The following IQCH variants were observed in gnomAD, a reference collection of about 807,000 sequenced individuals.
The protein encoded by IQCH is IQ domain-containing protein H.
In IQCH, 98 loss-of-function variants were observed where a neutral mutation model predicts 117.0. The observed-to-expected ratio is 0.84, with a 90% confidence interval of 0.71 to 0.99. The LOEUF is 0.99. IQCH is among the 50% of genes least tolerant of loss of function. IQCH has a pLI of 0.00. For synonymous variants in IQCH, 412 were observed against 448.2 expected (o/e 0.92, Z 1.02); for missense variants, 1,102 against 1,243.8 (o/e 0.89, Z 1.72).
intron 4 of IQCH, among the ~76,000 whole-genome samples, chr15:67,312,672 G>T (rs561729943): frequency 2.0e-5 from 3 of 152,108 alleles, no homozygotes; most frequent in African/African-American, 7.2e-5. Context: ...GAGGAAAATA[G>T]AGCAGCTACG....
Position 67,395,616 on chromosome 15 carries a change from G to A in IQCH, c.1905+53G>A. ...GTTCAAATATTTGAAACATCCTCTT[G>A]ATCTTGGACAATTTCCAAGTCTTCT... On this transcript the variant is annotated intron_variant, in intron 13 of 20. Coordinates refer to ENST00000335894, the MANE Select transcript of IQCH (RefSeq NM_001031715.3). This position sits in a 1 kb window ranked among gnomAD's most constrained non-coding sequence, Gnocchi z 4.0. The A allele has an allele frequency of 6.4e-7, 1 of 1,558,524 alleles. No individual in the cohort carries two copies. The highest frequency in any genetic ancestry group is 8.7e-7 in the Non-Finnish European group (1 of 1,143,140).
intron 4 of IQCH, among the ~76,000 whole-genome samples, chr15:67,335,494 G>A (rs772939655): frequency 3.3e-5 from 5 of 152,128 alleles, no homozygotes; most frequent in African/African-American, 2.4e-5. Flanking sequence ...AGACCCTGCC[G>A]CTTTTGATAT....
chr15:67,296,848 ACTTCCT>A (rs1966855326), intron 4 of IQCH, among the ~76,000 whole-genome samples: 1 of 152,290 alleles, frequency 6.6e-6, no homozygotes, highest in African/African-American at 2.4e-5. Flanking sequence ...AATATCATAT[ACTTCCT>A]CTTGTTATTT....
Position 67,472,069 on chromosome 15 carries a change from G to C in IQCH, c.2677-3627G>C, listed in dbSNP as rs918318564. ...ATGGATAAATGCCATTTGAGTGACA[G>C]ACCCTCAGCTTGCTGCCAGAGTTCT... On this transcript the variant is annotated intron_variant, in intron 17 of 20. Transcript: ENST00000335894. This position sits in a 1 kb window ranked among gnomAD's most constrained non-coding sequence, Gnocchi z 4.3. 1.3e-5 allele frequency among the ~76,000 whole-genome samples: 2 copies of C among 152,206 alleles called. No individual in the cohort carries two copies. Among genetic ancestry groups the C allele is most frequent in the Non-Finnish European group, 2.9e-5 (2 of 68,044 alleles).
At position 67,267,793 on chromosome 15, in the gene IQCH, A is replaced by G. The variant is rs531444242; in HGVS notation, c.269+4577A>G. Among the ~76,000 whole-genome samples, 6 of 152,318 alleles carry G rather than the reference A, an allele frequency of 3.9e-5. No individual in the cohort carries two copies. In the South Asian group the frequency reaches 1.2e-3, roughly 32 times the overall value. On this transcript the variant is annotated intron_variant, in intron 3 of 20. Coordinates refer to ENST00000335894, the MANE Select transcript of IQCH (RefSeq NM_001031715.3). ...TATGGGGCTTCACTTTATCTATGGA[A>G]ACCCAGGAAATAGAGTTAATTCCAA...
chr15:67,262,385 A>C (rs1965499387), intron 2 of IQCH, among the ~76,000 whole-genome samples: 1 of 152,196 alleles, frequency 6.6e-6, no homozygotes, highest in South Asian at 2.1e-4. Context: ...CTCTTGATTC[A>C]GACTTTTAAT....
At chr15:67,442,863 GAT>G (rs1249237154) in intron 16 of IQCH, among the ~76,000 whole-genome samples, 1 of 115,936 alleles carries the variant, frequency 8.6e-6, no homozygotes, top group Non-Finnish European at 1.8e-5. Context: ...TAGATAGATA[GAT>G]ATACATATAT....
At chr15:67,273,848 A>G (rs756658030) in intron 3 of IQCH, among the ~76,000 whole-genome samples, 2 of 152,126 alleles carry the variant, frequency 1.3e-5, no homozygotes, top group Non-Finnish European at 2.9e-5. Flanking sequence ...TTGATGTAAC[A>G]TGGGTCTGGT....
At chr15:67,377,222 G>C (rs1278269452) in intron 10 of IQCH, among the ~76,000 whole-genome samples, 1 of 151,752 alleles carries the variant, frequency 6.6e-6, no homozygotes, top group Non-Finnish European at 1.5e-5. Context: ...AAAAATTTTA[G>C]CTATTTTTAA....
chr15:67,357,593 T>C (rs928766128), intron 7 of IQCH, among the ~76,000 whole-genome samples, 172 bp downstream of exon 7: 4 of 152,244 alleles, frequency 2.6e-5, no homozygotes, highest in African/African-American at 9.6e-5. Flanking sequence ...ACAAGTCAAC[T>C]CTAGCATAAT....
chr15:67,500,573 T>C lies in IQCH; in HGVS notation c.2971-60T>C. 1.2e-6 allele frequency: 1 copy of C among 825,150 alleles called. No homozygotes were observed. The allele number at this position is 825,150 out of a possible 1,614,324, so 51.1% of individuals were successfully genotyped here. The stretch of plus-strand genomic sequence containing the variant: ...ATGGTGAACTCCCAAAAGGACCAGA[T>C]GCTTGGGGGAGAGGGATTGTAAGAG... On this transcript the variant is annotated intron_variant, in intron 20 of 20. Transcript: ENST00000335894. The surrounding 1 kb of genome is among the most constrained non-coding windows in gnomAD (Gnocchi z 4.4).
chr15:67,260,309 G>A (rs1208913319), intron 1 of IQCH, among the ~76,000 whole-genome samples: 6 of 152,142 alleles, frequency 3.9e-5, no homozygotes, highest in African/African-American at 1.4e-4. Flanking sequence ...TATTCTGAGG[G>A]TGCCTGATGT....
Position 67,458,966 on chromosome 15 carries a change from G to A in IQCH, c.2506-6161G>A, listed in dbSNP as rs1344747091. ...AGTGCCTGTCTTTTTAAAAATTTTC[G>A]GCAATATGATAAATATACACAATTC... On this transcript the variant is annotated intron_variant, in intron 16 of 20. Transcript: ENST00000335894. The surrounding 1 kb of genome is among the most constrained non-coding windows in gnomAD (Gnocchi z 4.1). Among the ~76,000 whole-genome samples the A allele has an allele frequency of 3.9e-5, 6 of 152,110 alleles. No homozygotes were observed. Among genetic ancestry groups the A allele is most frequent in the African/African-American group, 1.2e-4 (5 of 41,402 alleles).
chr15:67,471,128 G>C (rs960366366), intron 17 of IQCH, among the ~76,000 whole-genome samples: 8 of 151,796 alleles, frequency 5.3e-5, no homozygotes, highest in African/African-American at 1.9e-4. Flanking sequence ...TTTTTGGGTT[G>C]TTTTCAGTTT....
At chr15:67,304,202 C>T in intron 4 of IQCH, 1 of 537,884 alleles carries the variant, frequency 1.9e-6, no homozygotes, top group South Asian at 2.7e-5. Flanking sequence ...AATAAAAGAT[C>T]CAAATATATT....
chr15:67,396,567 T>TA (rs1281077867), intron 13 of IQCH, among the ~76,000 whole-genome samples: 1 of 152,208 alleles, frequency 6.6e-6, no homozygotes, highest in African/African-American at 2.4e-5. Context: ...TCTGTTTTCA[T>TA]AATAGAGAAA....
At position 67,307,493 on chromosome 15, in the gene IQCH, A is replaced by G. The variant is rs1265126119; in HGVS notation, c.387+27981A>G. 3.6e-5 allele frequency among the ~76,000 whole-genome samples: 4 copies of G among 111,110 alleles called. No individual in the cohort carries two copies. The East Asian group carries it at 1.2e-3, about 34-fold the overall frequency. 72.9% of individuals were successfully genotyped at this position (111,110 alleles called of 152,430 possible). A position where few individuals can be genotyped will look rare whatever the true frequency, so the allele number is the denominator to read the frequency against. ...AATGATTAGAAGAAGCACTAGAAGT[A>G]AGGGGTGGGGTGGGGGTGGGGGTAG... On this transcript the variant is annotated intron_variant, in intron 4 of 20. Transcript: ENST00000335894.
chr15:67,490,044 G>A lies in IQCH; in HGVS notation c.2841G>A (p.Lys947=). Residue 947 remains lysine, a synonymous_variant, in exon 19 of 21, where the codon AAG becomes AAA. Transcript: ENST00000335894. This position sits in a 1 kb window ranked among gnomAD's most constrained non-coding sequence, Gnocchi z 4.9. ...GTVFILYEHL[K]RHKLGMLTIG... ...TTTTTATATTATATGAGCACCTGAA[G>A]AGACACAAGTTGGGAATGTTGTGAG... 4.3e-6 allele frequency: 7 copies of A among 1,612,350 alleles called. No individual in the cohort carries two copies. The highest frequency in any genetic ancestry group is 1.1e-5 in the South Asian group (1 of 91,020).
chr15:67,408,093 G>A lies in IQCH; in HGVS notation c.2097+7788G>A, dbSNP rs890899169. The A allele has an allele frequency of 1.3e-5, 2 of 152,190 alleles. No individual in the cohort carries two copies. The highest frequency in any genetic ancestry group is 1.9e-4 in the East Asian group (1 of 5,198). 9.4% of individuals were successfully genotyped at this position (152,190 alleles called of 1,614,324 possible). A position where few individuals can be genotyped will look rare whatever the true frequency, so the allele number is the denominator to read the frequency against. On this transcript the variant is annotated intron_variant, in intron 14 of 20. Coordinates refer to ENST00000335894, the MANE Select transcript of IQCH (RefSeq NM_001031715.3). This position sits in a 1 kb window ranked among gnomAD's most constrained non-coding sequence, Gnocchi z 4.2. ...CAGGGTTGGCGGCCATATGGATCCC[G>A]AATATTTTGAATCAATTGAATTTAA...
Sources: gnomAD v4.1 joint callset for allele counts (sites outside exome capture counted in the v4.1 genomes callset) on GRCh38, gnomAD v4.1.1 for gene constraint, Gnocchi (gnomAD v3.1) non-coding constraint, MANE v1.5 for transcripts, NCBI Gene and HGNC (gene_info 2026-07-23, HGNC 2026-07-21) for gene names.